The following DLGAP1 variants were observed in gnomAD, a reference collection of about 807,000 sequenced individuals.
The protein encoded by DLGAP1 is disks large-associated protein 1.
In DLGAP1, 11 loss-of-function variants were observed where a neutral mutation model predicts 90.8. That is an observed-to-expected ratio of 0.12 (90% CI 0.08 to 0.20). The LOEUF is 0.20. Ranked by LOEUF, DLGAP1 falls within the 10% of genes least tolerant of loss-of-function variation. The probability of loss-of-function intolerance (pLI) is 1.00; values close to 1 mark genes in which losing one functional copy is unlikely to be tolerated. For missense variants in DLGAP1, 1,050 were observed against 1,333.8 expected (o/e 0.79, Z 3.31); for synonymous variants, 558 against 540.7 (o/e 1.03, Z -0.44).
chr18:3,884,243 C>T (rs998647482), intron 3 of DLGAP1, among the ~76,000 whole-genome samples: 2 of 152,206 alleles, frequency 1.3e-5, no homozygotes. Flanking sequence ...GAAAGTCTCT[C>T]TCTACAAATC....
At chr18:4,153,830 G>A (rs1299117164) in intron 1 of DLGAP1, among the ~76,000 whole-genome samples, 1 of 152,114 alleles carries the variant, frequency 6.6e-6, no homozygotes, top group Non-Finnish European at 1.5e-5. Context: ...AGTTGTCAAA[G>A]GGGTCCTCGT....
intron 1 of DLGAP1, among the ~76,000 whole-genome samples, chr18:4,192,705 T>C (rs559076237): frequency 1.3e-5 from 2 of 151,924 alleles, no homozygotes; most frequent in Admixed American, 1.3e-4. Flanking sequence ...TCCAGGCAAA[T>C]AAAAGAATAA....
chr18:3,585,415 A>G (rs553292238), intron 7 of DLGAP1, among the ~76,000 whole-genome samples: 1 of 152,356 alleles, frequency 6.6e-6, no homozygotes, highest in South Asian at 2.1e-4. Flanking sequence ...TAATTAGGAT[A>G]GAACCTCTCC....
chr18:3,569,644 A>G (rs1056334227), intron 8 of DLGAP1, among the ~76,000 whole-genome samples: 1 of 151,800 alleles, frequency 6.6e-6, no homozygotes, highest in African/African-American at 2.4e-5. Context: ...TAAATCCACC[A>G]TCCTGAAATG....
chr18:3,838,285 G>C (rs1429888628), intron 4 of DLGAP1, among the ~76,000 whole-genome samples: 3 of 152,164 alleles, frequency 2.0e-5, no homozygotes, highest in Non-Finnish European at 2.9e-5. Context: ...TCTTTCCCAA[G>C]TTTAGTCAAG....
intron 4 of DLGAP1, among the ~76,000 whole-genome samples, chr18:3,863,264 G>A (rs1270348393): frequency 6.6e-6 from 1 of 152,130 alleles, no homozygotes; most frequent in African/African-American, 2.4e-5. Context: ...AGGAACCCTA[G>A]GGCTCATTTG....
At chr18:3,892,466 T>C (rs1440813781) in intron 3 of DLGAP1, among the ~76,000 whole-genome samples, 1 of 152,174 alleles carries the variant, frequency 6.6e-6, no homozygotes, top group Non-Finnish European at 1.5e-5. Flanking sequence ...CTCACTTCCA[T>C]TCTCTATACA....
intron 1 of DLGAP1, among the ~76,000 whole-genome samples, chr18:4,407,553 C>T (rs143238495): frequency 1.9e-3 from 287 of 152,248 alleles, no homozygotes; most frequent in African/African-American, 6.3e-3. Context: ...TTCTGGGTCT[C>T]GGCAAATCCC....
chr18:4,406,026 T>C (rs1222965908), intron 1 of DLGAP1, among the ~76,000 whole-genome samples: 1 of 152,190 alleles, frequency 6.6e-6, no homozygotes, highest in Non-Finnish European at 1.5e-5. Flanking sequence ...CGTAGAGGAT[T>C]CCCATTAGTT....
intron 7 of DLGAP1, among the ~76,000 whole-genome samples, chr18:3,685,921 C>G (rs868858721): frequency 6.6e-6 from 1 of 152,208 alleles, no homozygotes; most frequent in Non-Finnish European, 1.5e-5. Context: ...TGCCTGGAAT[C>G]CCAGCACTTT....
chr18:3,549,696 T>C (rs2053270685), intron 9 of DLGAP1, among the ~76,000 whole-genome samples: 1 of 152,142 alleles, frequency 6.6e-6, no homozygotes, highest in Non-Finnish European at 1.5e-5. Context: ...ATTCCCCTGA[T>C]ATAGCTGTAT....
intron 7 of DLGAP1, among the ~76,000 whole-genome samples, chr18:3,654,268 G>T (rs942123261): frequency 6.6e-6 from 1 of 152,138 alleles, no homozygotes; most frequent in African/African-American, 2.4e-5. Context: ...TGCCGGACTA[G>T]CCCCAAGCAG....
At chr18:3,756,022 C>A (rs1462566825) in intron 5 of DLGAP1, among the ~76,000 whole-genome samples, 2 of 151,860 alleles carry the variant, frequency 1.3e-5, no homozygotes, top group Non-Finnish European at 2.9e-5. Context: ...AATTTTGGAA[C>A]CGCACAATAA....
At chr18:4,163,365 C>T (rs1201437798) in intron 1 of DLGAP1, among the ~76,000 whole-genome samples, 2 of 152,152 alleles carry the variant, frequency 1.3e-5, no homozygotes, top group East Asian at 1.9e-4. Flanking sequence ...AGTTGAACAA[C>T]GTTGTATATC....
chr18:4,103,019 G>A (rs2075804541), intron 2 of DLGAP1, among the ~76,000 whole-genome samples: 2 of 152,244 alleles, frequency 1.3e-5, no homozygotes, highest in South Asian at 4.1e-4. Flanking sequence ...TGTCTCTCTG[G>A]GACCTGCAGG....
chr18:3,513,396 A>G (rs1410958928), intron 10 of DLGAP1, among the ~76,000 whole-genome samples: 1 of 152,230 alleles, frequency 6.6e-6, no homozygotes, highest in Non-Finnish European at 1.5e-5. Context: ...ACTCCTTGCC[A>G]CAGCCTTCTG....
In DLGAP1 at chr18:3,657,168, C is replaced by T. The variant is rs79625984; in HGVS notation, c.1591+71967G>A. 7.2e-4 allele frequency among the ~76,000 whole-genome samples: 110 copies of T among 152,290 alleles called. 2 individuals are homozygous for T. In the East Asian group the frequency reaches 0.019, roughly 27 times the overall value. On this transcript the variant is annotated intron_variant, in intron 7 of 12. Coordinates refer to ENST00000315677, the MANE Select transcript of DLGAP1 (RefSeq NM_004746.4). ...AAATAAATAATATTATCTAATCTTA[C>T]GCAATAGTCATGATCATTTAGGCTG...
At chr18:3,874,451 C>T in intron 4 of DLGAP1, 3 of 1,435,828 alleles carry the variant, frequency 2.1e-6, no homozygotes, top group Non-Finnish European at 1.8e-6. Flanking sequence ...TTCTGAATGG[C>T]TTTATATGTC....
chr18:3,940,574 TG>T (rs907151796), intron 3 of DLGAP1, among the ~76,000 whole-genome samples: 5 of 151,996 alleles, frequency 3.3e-5, no homozygotes, highest in African/African-American at 1.2e-4. Flanking sequence ...TCCCTTCTAT[TG>T]GAAAAAGTGT....
Sources: gnomAD v4.1 joint callset for allele counts (sites outside exome capture counted in the v4.1 genomes callset) on GRCh38, gnomAD v4.1.1 for gene constraint, MANE v1.5 for transcripts, NCBI Gene and HGNC (gene_info 2026-07-23, HGNC 2026-07-21) for gene names.